Variants in KLF12 observed in about 807,000 individuals in gnomAD.
KLF12 encodes Krueppel-like factor 12.
A neutral mutation model predicts 37.8 loss-of-function variants in KLF12; 9 were observed. The ratio of observed to expected loss-of-function variants is 0.24; its 90% confidence interval spans 0.14 to 0.42. KLF12 has a LOEUF of 0.42. KLF12 is among the 10% of genes least tolerant of loss of function. KLF12 has a pLI of 1.00. For missense variants in KLF12, 411 were observed against 516.0 expected (o/e 0.80, Z 1.97); for synonymous variants, 208 against 202.1 (o/e 1.03, Z -0.25).
At chr13:73,766,201 A>G (rs1169313152) in intron 5 of KLF12, among the ~76,000 whole-genome samples, 1 of 152,150 alleles carries the variant, frequency 6.6e-6, no homozygotes, top group Non-Finnish European at 1.5e-5. Context: ...ATTATGCAGA[A>G]AGATGGAGAG....
the KLF12 span, among the ~76,000 whole-genome samples, chr13:74,304,995 G>A: frequency 6.6e-6 from 1 of 152,078 alleles, no homozygotes; most frequent in African/African-American, 2.4e-5. Flanking sequence ...TCAGAGTTAA[G>A]GTGAAAGATG....
chr13:74,001,809 A>G (rs1172121614), intron 1 of KLF12, among the ~76,000 whole-genome samples: 1 of 152,246 alleles, frequency 6.6e-6, no homozygotes, highest in East Asian at 1.9e-4. Context: ...GTGAAACTTG[A>G]GTAGAAAAAC....
intron 3 of KLF12, among the ~76,000 whole-genome samples, chr13:73,864,892 A>T (rs1031597464): frequency 6.6e-6 from 1 of 152,158 alleles, no homozygotes; most frequent in African/African-American, 2.4e-5. Context: ...AGGTTAGAGT[A>T]ATAGTTTTCA....
chr13:74,278,695 A>AAAGGAGG, the KLF12 span, among the ~76,000 whole-genome samples: 3 of 152,050 alleles, frequency 2.0e-5, no homozygotes, highest in Non-Finnish European at 4.4e-5. Context: ...GCCTTTTCTC[A>AAAGGAGG]CCTTTTCCTA....
chr13:73,856,306 C>T (rs900132710), intron 3 of KLF12, among the ~76,000 whole-genome samples: 1 of 152,162 alleles, frequency 6.6e-6, no homozygotes, highest in Non-Finnish European at 1.5e-5. Flanking sequence ...TTCCTCTTGG[C>T]TGGGATGCTT....
chr13:74,020,252 A>G (rs1170218191), intron 1 of KLF12, among the ~76,000 whole-genome samples: 1 of 152,194 alleles, frequency 6.6e-6, no homozygotes, highest in Non-Finnish European at 1.5e-5. Context: ...ATCTTAGAAA[A>G]AGCACGCAGT....
At chr13:73,742,654 C>A (rs1042584312) in intron 6 of KLF12, among the ~76,000 whole-genome samples, 2 of 152,046 alleles carry the variant, frequency 1.3e-5, no homozygotes, top group African/African-American at 4.8e-5. Context: ...CTTCTAACAT[C>A]TAAGGTGGTG....
chr13:73,715,295 G>C, intron 7 of KLF12, 73 bp downstream of exon 7: 4 of 1,361,016 alleles, frequency 2.9e-6, no homozygotes, highest in Non-Finnish European at 4.1e-6. Flanking sequence ...AGTACGAAAG[G>C]CTCCCGAGGT....
chr13:74,099,895 A>G (rs1206059318), intron 1 of KLF12, among the ~76,000 whole-genome samples: 1 of 152,244 alleles, frequency 6.6e-6, no homozygotes, highest in Non-Finnish European at 1.5e-5. Context: ...GTACTGAAGT[A>G]TAAAATGGTA....
chr13:74,219,133 T>C, the KLF12 span, among the ~76,000 whole-genome samples: 1 of 152,100 alleles, frequency 6.6e-6, no homozygotes, highest in Non-Finnish European at 1.5e-5. Flanking sequence ...ATTTGTGTAT[T>C]TTTGTAGAGA....
chr13:74,284,575 G>C, the KLF12 span, among the ~76,000 whole-genome samples: 3 of 152,152 alleles, frequency 2.0e-5, no homozygotes, highest in African/African-American at 7.2e-5. Flanking sequence ...CTTCCTTTAT[G>C]GAGTAGTAGA....
chr13:73,843,833 T>C (rs956583904), intron 4 of KLF12, among the ~76,000 whole-genome samples: 3 of 152,188 alleles, frequency 2.0e-5, no homozygotes, highest in Admixed American at 6.5e-5. Flanking sequence ...ATTTTTATTC[T>C]TGATATGAGA....
rs148131196 is a variant in KLF12 at position 74,003,989 on chromosome 13, T to G, written c.-31-8936A>C. Among the ~76,000 whole-genome samples the G allele has an allele frequency of 3.3e-5, 5 of 152,292 alleles. No individual in the cohort carries two copies. In the East Asian group the frequency reaches 9.6e-4, roughly 29 times the overall value. Reference sequence around the variant, plus strand: ...TAATACGTTCACAAGTGAAATGACATGATCAAATAATTATTGAGAGTAAGC... The same window carrying G: ...TAATACGTTCACAAGTGAAATGACAGGATCAAATAATTATTGAGAGTAAGC... On this transcript the variant is annotated intron_variant, in intron 1 of 7. Transcript: ENST00000377669.
chr13:73,771,339 T>C (rs1880256573), intron 5 of KLF12, among the ~76,000 whole-genome samples: 1 of 152,220 alleles, frequency 6.6e-6, no homozygotes, highest in Non-Finnish European at 1.5e-5. Context: ...TAAATAGCTG[T>C]TGTATTATTG....
intron 2 of KLF12, among the ~76,000 whole-genome samples, chr13:73,979,953 C>A (rs547647619): frequency 3.9e-5 from 6 of 152,196 alleles, no homozygotes; most frequent in Non-Finnish European, 8.8e-5. Context: ...AAAAAGACCA[C>A]GTGAAGGCAC....
rs537258368 is a variant in KLF12, at chr13:73,872,922, T to C, written c.124-26549A>G. Among the ~76,000 whole-genome samples the C allele has an allele frequency of 3.3e-5, 5 of 152,192 alleles. No homozygotes were observed. In the East Asian group the frequency reaches 5.8e-4, roughly 18 times the overall value. ...AGACACAGAAGACATGAGTGAACCT[T>C]TGTGAGAGCAGAGACCTTATTTTGA... On this transcript the variant is annotated intron_variant, in intron 3 of 7. Transcript: ENST00000377669.
At chr13:74,141,656 C>T in the KLF12 span, among the ~76,000 whole-genome samples, 1 of 152,206 alleles carries the variant, frequency 6.6e-6, no homozygotes. Flanking sequence ...TTAAATACAG[C>T]TGCCCCTCCC....
intron 2 of KLF12, among the ~76,000 whole-genome samples, chr13:73,958,757 T>C (rs988906153): frequency 6.6e-6 from 1 of 152,038 alleles, no homozygotes; most frequent in Non-Finnish European, 1.5e-5. Flanking sequence ...AATTGAAAGG[T>C]GGCGGGGAGT....
chr13:73,829,045 T>G (rs1193682395), intron 4 of KLF12, among the ~76,000 whole-genome samples: 1 of 152,132 alleles, frequency 6.6e-6, no homozygotes, highest in Non-Finnish European at 1.5e-5. Context: ...CCCCTCTTCC[T>G]TTGCAATCCA....
Sources: gnomAD v4.1 joint callset for allele counts (sites outside exome capture counted in the v4.1 genomes callset) on GRCh38, gnomAD v4.1.1 for gene constraint, MANE v1.5 for transcripts, NCBI Gene and HGNC (gene_info 2026-07-23, HGNC 2026-07-21) for gene names.